The following UHRF2 variants were observed in gnomAD, a reference collection of about 807,000 sequenced individuals.
UHRF2 encodes the protein ubiquitin like with PHD and ring finger domains 2.
Under a neutral mutation model 96.8 loss-of-function variants are expected in UHRF2, and 23 were observed. The ratio of observed to expected loss-of-function variants is 0.24; its 90% confidence interval spans 0.17 to 0.34. The LOEUF is 0.34. UHRF2 is among the 10% of genes least tolerant of loss of function. UHRF2 has a pLI of 1.00. For synonymous variants in UHRF2, 385 were observed against 332.6 expected (o/e 1.16, Z -1.72); for missense variants, 685 against 981.5 (o/e 0.70, Z 4.04).
intron 2 of UHRF2, among the ~76,000 whole-genome samples, chr9:6,427,959 C>T (rs929902752): frequency 6.6e-6 from 1 of 152,130 alleles, no homozygotes; most frequent in African/African-American, 2.4e-5. Context: ...AACCTAAGTT[C>T]GTTTTAATTT....
intron 2 of UHRF2, among the ~76,000 whole-genome samples, chr9:6,425,719 C>T (rs777959952): frequency 6.6e-6 from 1 of 151,934 alleles, no homozygotes; most frequent in Non-Finnish European, 1.5e-5. Context: ...GCCGAGATCG[C>T]GCCACTGCAC....
intron 9 of UHRF2, chr9:6,492,606 T>G (rs1367436323): frequency 1.3e-5 from 2 of 153,788 alleles, no homozygotes; most frequent in African/African-American, 4.8e-5. Context: ...TATAAATAAT[T>G]GACTTCTATA....
Position 6,425,378 on chromosome 9 carries a change from C to T in UHRF2, c.384+4236C>T, listed in dbSNP as rs149762562. ...ATTATCTTACTTTCTGGCACTACAA[C>T]ATGCTTCAGGTACATCTTGTATATT... On this transcript the variant is annotated intron_variant, in intron 2 of 15. Transcript: ENST00000276893. Among the ~76,000 whole-genome samples, 92 of 152,286 alleles carry T rather than the reference C, an allele frequency of 6.0e-4. 1 individual carries two copies. Among genetic ancestry groups the T allele is most frequent in the South Asian group, 2.1e-3 (10 of 4,822 alleles).
At chr9:6,458,395 T>C (rs969968701) in intron 3 of UHRF2, among the ~76,000 whole-genome samples, 4 of 152,190 alleles carry the variant, frequency 2.6e-5, no homozygotes, top group African/African-American at 9.6e-5. Flanking sequence ...TCTTCTATGT[T>C]AGTCTGGCTG....
At chr9:6,493,106 T>C (rs1824763607) in intron 9 of UHRF2, among the ~76,000 whole-genome samples, 1 of 152,114 alleles carries the variant, frequency 6.6e-6, no homozygotes, top group African/African-American at 2.4e-5. Flanking sequence ...GAGACCAACA[T>C]GGCCAACATG....
intron 2 of UHRF2, 110 bp downstream of exon 2, chr9:6,421,252 G>A: frequency 4.9e-6 from 4 of 818,728 alleles, no homozygotes; most frequent in Non-Finnish European, 7.6e-6. Context: ...GTAAAGATTG[G>A]GATGTTAATA....
rs1234272310 is a variant in UHRF2 at position 6,497,897 on chromosome 9, C to CGGT, written c.1768-121_1768-120insGGT. ...GAATATTCTTGACTTACTGTCCTTA[C>CGGT]AGCAAAGCAGAATATTCAGAAGTTG... On this transcript the variant is annotated intron_variant, in intron 11 of 15. Transcript: ENST00000276893. 1.0e-5 allele frequency: 13 copies of CGGT among 1,281,190 alleles called. No individual in the cohort carries two copies. The Admixed American group carries it at 3.0e-4, about 29-fold the overall frequency. The allele number at this position is 1,281,190 out of a possible 1,614,324, so 79.4% of individuals were successfully genotyped here.
chr9:6,484,357 T>TAGTGGCGGC (rs1265535743), intron 8 of UHRF2, among the ~76,000 whole-genome samples: 5 of 151,858 alleles, frequency 3.3e-5, no homozygotes, highest in African/African-American at 1.2e-4. Flanking sequence ...ATTATAGGCT[T>TAGTGGCGGC]AGTGGCGGCG....
At chr9:6,476,445 A>G (rs1183536732) in intron 5 of UHRF2, among the ~76,000 whole-genome samples, 4 of 152,212 alleles carry the variant, frequency 2.6e-5, no homozygotes, top group Admixed American at 1.3e-4. Context: ...TCTGGGAGGT[A>G]ATAAATGAGG....
At chr9:6,460,210 C>T (rs150877993) in intron 3 of UHRF2, among the ~76,000 whole-genome samples, 4 of 152,192 alleles carry the variant, frequency 2.6e-5, no homozygotes, top group African/African-American at 4.8e-5. Flanking sequence ...TGAATAGATA[C>T]ATAACATATA....
intron 5 of UHRF2, among the ~76,000 whole-genome samples, chr9:6,476,328 G>T (rs1349279698): frequency 6.6e-6 from 1 of 152,126 alleles, no homozygotes; most frequent in African/African-American, 2.4e-5. Flanking sequence ...CAAAGAAAAA[G>T]CCTGTTTCTG....
chr9:6,496,477 A>G (rs1824978469), intron 10 of UHRF2: 2 of 152,248 alleles, frequency 1.3e-5, no homozygotes, highest in African/African-American at 2.4e-5. Context: ...CATATACTAA[A>G]TAAGTTCCAG....
chr9:6,490,745 C>G (rs997058956), intron 9 of UHRF2, among the ~76,000 whole-genome samples: 14 of 152,174 alleles, frequency 9.2e-5, no homozygotes, highest in African/African-American at 3.4e-4. Context: ...TACTGATGAA[C>G]TGCTAATTGT....
chr9:6,498,918 C>T (rs897830699), intron 12 of UHRF2: 2 of 152,234 alleles, frequency 1.3e-5, no homozygotes, highest in East Asian at 1.9e-4. Context: ...GTCTGACCAC[C>T]CAGGCAGGTG....
At chr9:6,505,301 A>G (rs1212753690) in intron 15 of UHRF2, among the ~76,000 whole-genome samples, 2 of 151,886 alleles carry the variant, frequency 1.3e-5, no homozygotes, top group African/African-American at 2.4e-5. Flanking sequence ...GTGTGTATAT[A>G]TATATATATT....
At chr9:6,500,343 G>T (rs1020194586) in intron 13 of UHRF2, among the ~76,000 whole-genome samples, 1 of 152,186 alleles carries the variant, frequency 6.6e-6, no homozygotes, top group African/African-American at 2.4e-5. Context: ...TTGGCTGGGG[G>T]GGCATGGTAG....
intron 14 of UHRF2, 152 bp from the exon 15 acceptor site, chr9:6,504,441 G>A: frequency 1.9e-6 from 1 of 533,816 alleles, no homozygotes; most frequent in Non-Finnish European, 3.3e-6. Flanking sequence ...ATAAATCAGG[G>A]TAATTGGAAT....
intron 14 of UHRF2, 29 bp from the exon 15 acceptor site, chr9:6,504,559 ACTTTT>A (rs770869871): frequency 4.0e-5 from 61 of 1,515,646 alleles, no homozygotes; most frequent in South Asian, 1.3e-4. Flanking sequence ...TGAACTGCTA[ACTTTT>A]CTTTCCTTAT....
At chr9:6,491,692 G>A (rs1030192571) in intron 9 of UHRF2, among the ~76,000 whole-genome samples, 1 of 152,190 alleles carries the variant, frequency 6.6e-6, no homozygotes, top group African/African-American at 2.4e-5. Context: ...AGCAGCTTGG[G>A]AGAAGAATAG....
Sources: gnomAD v4.1 joint callset for allele counts (sites outside exome capture counted in the v4.1 genomes callset) on GRCh38, gnomAD v4.1.1 for gene constraint, MANE v1.5 for transcripts, NCBI Gene and HGNC (gene_info 2026-07-23, HGNC 2026-07-21) for gene names.